PTP4A3: variants seen among roughly 807,000 people sequenced by gnomAD.
The protein encoded by PTP4A3 is protein tyrosine phosphatase type IVA 3.
PTP4A3 carries 9 observed loss-of-function variants against 15.2 expected under a neutral mutation model. The ratio of observed to expected loss-of-function variants is 0.59; its 90% CI spans 0.36 to 1.03. PTP4A3 has a LOEUF of 1.03. PTP4A3 is among the 50% of genes least tolerant of loss of function. PTP4A3 has a pLI of 0.02. For missense variants in PTP4A3, 234 were observed against 252.1 expected (o/e 0.93, Z 0.49); for synonymous variants, 95 against 102.0 (o/e 0.93, Z 0.41).
At position 141,425,185 on chromosome 8, in the gene PTP4A3, G is replaced by T; in HGVS notation, c.198+45G>T. On this transcript the variant is annotated intron_variant, in intron 3 of 5. Transcript: ENST00000521578. The surrounding 1 kb of genome is among the most constrained non-coding windows in gnomAD (Gnocchi z 4.2). ...GACCCTAGTCACTGCTGCCACCGGG[G>T]GAGGGTGGGGCGGGGGGCTCCGGGC... 6.8e-7 allele frequency: 1 copy of T among 1,462,474 alleles called. No homozygotes were observed. Among genetic ancestry groups the T allele is most frequent in the South Asian group, 1.1e-5 (1 of 87,024 alleles). The allele number at this position is 1,462,474 out of a possible 1,614,324, so 90.6% of individuals were successfully genotyped here. A position where few individuals can be genotyped will look rare whatever the true frequency, so the allele number is the denominator to read the frequency against.
rs564112783 is a variant in PTP4A3 at position 141,414,603 on chromosome 8, T to C, written c.-853-6785T>C. Among the ~76,000 whole-genome samples the C allele has an allele frequency of 1.6e-3, 226 of 141,090 alleles. 1 individual carries two copies. Among genetic ancestry groups the C allele is most frequent in the African/African-American group, 6.5e-3 (221 of 33,846 alleles). The allele number at this position is 141,090 out of a possible 152,430, so 92.6% of individuals were successfully genotyped here. A position where few individuals can be genotyped will look rare whatever the true frequency, so the allele number is the denominator to read the frequency against. ...GCTGAGGAGAATGCGGGCACTGAGC[T>C]TGGGAAGAGCCCTGGACTGGGGGGG... On this transcript the variant is annotated intron_variant, in intron 1 of 5. Coordinates refer to ENST00000521578, the MANE Select transcript of PTP4A3 (RefSeq NM_032611.3).
At chr8:141,422,489 G>A (rs957298867) in intron 2 of PTP4A3, 144 bp downstream of exon 2, 2 of 873,610 alleles carry the variant, frequency 2.3e-6, no homozygotes, top group Non-Finnish European at 3.6e-6. Flanking sequence ...CCAGTCGCCT[G>A]TTACAGGATC....
At chr8:141,412,040 G>A (rs374886011) in intron 1 of PTP4A3, among the ~76,000 whole-genome samples, 1 of 151,854 alleles carries the variant, frequency 6.6e-6, no homozygotes, top group Admixed American at 6.6e-5. Flanking sequence ...AGGGCACCAC[G>A]CGAGGCCACT....
Position 141,422,163 on chromosome 8 carries a change from T to G in PTP4A3, c.-78T>G. 1 of 1,369,584 alleles carries G rather than the reference T, an allele frequency of 7.3e-7. No homozygotes were observed. Among genetic ancestry groups the G allele is most frequent in the Non-Finnish European group, 1.0e-6 (1 of 966,974 alleles). 84.8% of individuals were successfully genotyped at this position (1,369,584 alleles called of 1,614,324 possible). On this transcript the variant is annotated 5_prime_UTR_variant, in exon 2 of 6. Transcript: ENST00000521578. ...TCTCGTTCTCCTCATTTTTTGGGGG[T>G]GTGTGGGGACTTCTCAGGTCGTGTC...
chr8:141,415,550 TC>T (rs1207679411), intron 1 of PTP4A3, among the ~76,000 whole-genome samples: 2 of 144,824 alleles, frequency 1.4e-5, no homozygotes, highest in Non-Finnish European at 3.0e-5. Context: ...CCGGGATCCT[TC>T]GGGGGAGTGC....
intron 2 of PTP4A3, among the ~76,000 whole-genome samples, chr8:141,423,550 G>T (rs1003340831): frequency 3.9e-4 from 60 of 151,974 alleles, no homozygotes; most frequent in Admixed American, 2.7e-3. Context: ...GTGTGTCCAG[G>T]ATCAGGGCTC....
intron 1 of PTP4A3, among the ~76,000 whole-genome samples, chr8:141,417,525 G>A (rs1226849606): frequency 6.6e-6 from 1 of 152,092 alleles, no homozygotes; most frequent in African/African-American, 2.4e-5. Context: ...CTCTGTCCAG[G>A]CCTCCCCACC....
At chr8:141,402,654 T>C (rs940173102) in intron 1 of PTP4A3, among the ~76,000 whole-genome samples, 8 of 152,074 alleles carry the variant, frequency 5.3e-5, no homozygotes, top group African/African-American at 1.9e-4. Flanking sequence ...GGCTGAGGAT[T>C]GGCCCTTCCG....
rs1833357654 is a variant in PTP4A3 at position 141,422,102 on chromosome 8, T to C, written c.-139T>C. ...TATTTGTGCGGGGTATGGGGGTGGG[T>C]TTTTAAATCTCGTTTCTCTTGGACA... On this transcript the variant is annotated 5_prime_UTR_variant, in exon 2 of 6. Transcript: ENST00000521578. 2 of 784,226 alleles carry C rather than the reference T, an allele frequency of 2.6e-6. No homozygotes were observed. Among genetic ancestry groups the C allele is most frequent in the Non-Finnish European group, 4.1e-6 (2 of 484,504 alleles). The allele number at this position is 784,226 out of a possible 1,614,324, so 48.6% of individuals were successfully genotyped here.
chr8:141,410,275 A>G (rs1832835006), intron 1 of PTP4A3, among the ~76,000 whole-genome samples: 1 of 152,234 alleles, frequency 6.6e-6, no homozygotes, highest in Non-Finnish European at 1.5e-5. Flanking sequence ...GGCTGGCCCA[A>G]TCTGGAGTTG....
At chr8:141,393,153 C>T (rs1009783330) in intron 1 of PTP4A3, among the ~76,000 whole-genome samples, 3 of 152,132 alleles carry the variant, frequency 2.0e-5, no homozygotes, top group African/African-American at 7.2e-5. Flanking sequence ...TCACTGAGTT[C>T]CTGCAATCCT....
At chr8:141,392,539 T>C (rs1185805458) in intron 1 of PTP4A3, 1 of 152,334 alleles carries the variant, frequency 6.6e-6, no homozygotes, top group African/African-American at 2.4e-5. Context: ...GGGTCGTAGA[T>C]GTCAGTGGAG....
intron 5 of PTP4A3, among the ~76,000 whole-genome samples, chr8:141,428,500 G>A (rs1023889780): frequency 6.6e-6 from 1 of 152,248 alleles, no homozygotes; most frequent in African/African-American, 2.4e-5. Context: ...GCCCGTGAGT[G>A]TGACACACCT....
intron 1 of PTP4A3, among the ~76,000 whole-genome samples, chr8:141,400,196 C>T (rs1381227914): frequency 6.6e-6 from 1 of 152,126 alleles, no homozygotes; most frequent in Non-Finnish European, 1.5e-5. Context: ...CCCGGCCCAC[C>T]ACTGTGCCTG....
At chr8:141,404,674 G>A (rs1436480075) in intron 1 of PTP4A3, among the ~76,000 whole-genome samples, 1 of 152,228 alleles carries the variant, frequency 6.6e-6, no homozygotes, top group African/African-American at 2.4e-5. Context: ...AGTCAGCAGA[G>A]GCTTGGGGGC....
chr8:141,422,194 C>A lies in PTP4A3; in HGVS notation c.-47C>A, dbSNP rs1216432791. 1.3e-6 allele frequency: 2 copies of A among 1,593,846 alleles called. No homozygotes were observed. The highest frequency in any genetic ancestry group is 1.7e-6 in the Non-Finnish European group (2 of 1,163,640). On this transcript the variant is annotated 5_prime_UTR_variant, in exon 2 of 6. Transcript: ENST00000521578. ...GGGACTTCTCAGGTCGTGTCCCCAG[C>A]CTTCTCTGCAGTCCCTTCTGCCCTG... is the stretch of plus-strand genomic sequence containing the variant.
At chr8:141,417,010 G>A (rs1181570725) in intron 1 of PTP4A3, among the ~76,000 whole-genome samples, 1 of 152,192 alleles carries the variant, frequency 6.6e-6, no homozygotes, top group Non-Finnish European at 1.5e-5. Flanking sequence ...GCCCTGGGTG[G>A]CCAGGGCGGG....
chr8:141,404,426 C>T (rs1027609681), intron 1 of PTP4A3, among the ~76,000 whole-genome samples: 7 of 152,218 alleles, frequency 4.6e-5, no homozygotes, highest in African/African-American at 1.7e-4. Context: ...AGCTGAGGGC[C>T]TCTCTCCCCC....
At chr8:141,404,089 G>T (rs755739122) in intron 1 of PTP4A3, among the ~76,000 whole-genome samples, 1 of 152,264 alleles carries the variant, frequency 6.6e-6, no homozygotes, top group Non-Finnish European at 1.5e-5. Context: ...CGACACGCCT[G>T]TTCACCGGAT....
Sources: allele counts gnomAD v4.1 joint callset (sites outside exome capture counted in the v4.1 genomes callset), GRCh38; gene constraint gnomAD v4.1.1; non-coding constraint Gnocchi (gnomAD v3.1); transcripts MANE v1.5; gene names NCBI Gene and HGNC (gene_info 2026-07-23, HGNC 2026-07-21).